ZNF761: variants seen among roughly 807,000 people sequenced by gnomAD.
ZNF761 encodes the protein zinc finger protein 761.
Under a neutral mutation model 59.9 loss-of-function variants are expected in ZNF761, and 43 were observed. The ratio of observed to expected loss-of-function variants is 0.72; its 90% confidence interval spans 0.56 to 0.92. The LOEUF (loss-of-function observed/expected upper bound fraction) is 0.92. Among genes scored for constraint, ZNF761 ranks in the 40% least tolerant of loss-of-function variants. The pLI, the probability that ZNF761 is intolerant of heterozygous loss-of-function variation, is 0.00. For synonymous variants in ZNF761, 294 were observed against 304.8 expected, an observed-to-expected ratio of 0.96 and a Z score of 0.37; for missense variants, 850 against 906.1, an observed-to-expected ratio of 0.94 and a Z score of 0.79.
At chr19:53,444,361 G>C (rs377492703) in intron 1 of ZNF761, 47 of 152,332 alleles carry the variant, frequency 3.1e-4, no homozygotes, top group African/African-American at 1.1e-3. Context: ...TATGGCTGGA[G>C]GTGAGACATG....
rs770227478 is a variant in ZNF761 at position 53,455,057 on chromosome 19, C to T, written c.550C>T (p.Pro184Ser). ...AACAGCCCAAAGAATTTCTTGTAGG[C>T]CCAAAACCCATATATCTAATAACCA... ...VSTAQRISCR[P>S]KTHISNNHGN... Residue 184 changes from proline (P) to serine (S), a missense_variant, in exon 5 of 5, where the codon CCC becomes TCC. Transcript: ENST00000684525. The T allele has an allele frequency of 6.2e-7, 1 of 1,614,102 alleles. No homozygotes were observed. The highest frequency in any genetic ancestry group is 8.5e-7 in the Non-Finnish European group (1 of 1,180,002).
intron 4 of ZNF761, among the ~76,000 whole-genome samples, chr19:53,452,543 A>T (rs890081385): frequency 2.0e-5 from 3 of 151,832 alleles, no homozygotes; most frequent in Non-Finnish European, 4.4e-5. Context: ...TGGGTGACAG[A>T]GTGTGACTCG....
intron 1 of ZNF761, chr19:53,442,196 C>A: frequency 1.8e-6 from 2 of 1,101,766 alleles, no homozygotes; most frequent in Non-Finnish European, 2.8e-6. Context: ...AAATCCAACT[C>A]AAAGAAGCTA....
At chr19:53,433,165 A>G (rs2147117022) in intron 1 of ZNF761, among the ~76,000 whole-genome samples, 1 of 152,280 alleles carries the variant, frequency 6.6e-6, no homozygotes, top group African/African-American at 2.4e-5. Flanking sequence ...TGTTTATTTA[A>G]GATACGCACC....
At chr19:53,451,566 A>T (rs1469932177) in intron 4 of ZNF761, among the ~76,000 whole-genome samples, 1 of 151,282 alleles carries the variant, frequency 6.6e-6, no homozygotes, top group Non-Finnish European at 1.5e-5. Flanking sequence ...GGTTGGAGTT[A>T]CTCTTTAGAC....
chr19:53,450,980 G>A (rs761602716), intron 4 of ZNF761, among the ~76,000 whole-genome samples: 2 of 144,162 alleles, frequency 1.4e-5, no homozygotes, highest in East Asian at 2.0e-4. Flanking sequence ...GCGATAGCAC[G>A]AGACTCTGTC....
chr19:53,455,256 T>C lies in ZNF761; in HGVS notation c.749T>C (p.Leu250Pro), dbSNP rs2086256182. The C allele has an allele frequency of 1.2e-6, 2 of 1,614,102 alleles. No homozygotes were observed. Among genetic ancestry groups the C allele is most frequent in the Non-Finnish European group, 1.7e-6 (2 of 1,180,042 alleles). The change falls in exon 5 of 5, where the codon CTC (leucine) becomes CCC (proline). Residue 250 changes from leucine to proline, a missense_variant. Leu to Pro is a moderately conservative substitution (Grantham distance 98). Coordinates refer to ENST00000684525, the MANE Select transcript of ZNF761 (RefSeq NM_001289951.2). Reference sequence around the variant, plus strand: ...TATAAATGTGATGTATGTGGCAAGCTCTTTAATCAGAAGCGAAACCTAGCA... The same window carrying C: ...TATAAATGTGATGTATGTGGCAAGCCCTTTAATCAGAAGCGAAACCTAGCA... ...DKYKCDVCGKLFNQKRNLACH... is the reference protein window; with the variant it reads ...DKYKCDVCGKPFNQKRNLACH...
intron 1 of ZNF761, among the ~76,000 whole-genome samples, chr19:53,440,725 A>T (rs1379402908): frequency 6.6e-6 from 1 of 152,120 alleles, no homozygotes; most frequent in Non-Finnish European, 1.5e-5. Context: ...ATCGCCCAGG[A>T]TGGAGTGCAG....
Position 53,455,453 on chromosome 19 carries a change from CAT to C in ZNF761, c.948_949del (p.His316GlnfsTer6), listed in dbSNP as rs2086258817. The C allele has an allele frequency of 2.5e-6, 4 of 1,613,228 alleles. No individual in the cohort carries two copies. Among genetic ancestry groups the C allele is most frequent in the African/African-American group, 1.3e-5 (1 of 74,702 alleles). On this transcript the variant is annotated frameshift_variant, in exon 5 of 5. Coordinates refer to ENST00000684525, the MANE Select transcript of ZNF761 (RefSeq NM_001289951.2). LOFTEE classifies it high-confidence loss of function. The stretch of plus-strand genomic sequence containing the variant: ...CCATTTCAAATCAATACTTGAAAGA[CAT>C]AGGATAATTCATACTGAAGAGAAAC... ...AFHFKSILER[H>X]RIIHTEEKPY...
At chr19:53,454,245 ATATAG>A (rs2086244266) in intron 4 of ZNF761, among the ~76,000 whole-genome samples, 2 of 152,262 alleles carry the variant, frequency 1.3e-5, no homozygotes, top group African/African-American at 4.8e-5. Context: ...TTATTTACCA[ATATAG>A]TATATCGTGT....
At chr19:53,433,026 G>T (rs368759047) in intron 1 of ZNF761, among the ~76,000 whole-genome samples, 1 of 146,312 alleles carries the variant, frequency 6.8e-6, no homozygotes, top group East Asian at 2.0e-4. Flanking sequence ...GGGATCTGGG[G>T]TGCTAGAGAG....
intron 1 of ZNF761, among the ~76,000 whole-genome samples, chr19:53,437,284 C>T (rs2147122665): frequency 6.6e-6 from 1 of 151,444 alleles, no homozygotes; most frequent in South Asian, 2.1e-4. Flanking sequence ...CACCACTGCA[C>T]TCCAACCTGG....
chr19:53,452,237 CT>C (rs954412251), intron 4 of ZNF761, among the ~76,000 whole-genome samples: 1 of 152,112 alleles, frequency 6.6e-6, no homozygotes, highest in African/African-American at 2.4e-5. Context: ...AATCCCAGCA[CT>C]TTGGGAGGCT....
At chr19:53,446,979 G>A (rs1286750714) in intron 2 of ZNF761, among the ~76,000 whole-genome samples, 2 of 152,114 alleles carry the variant, frequency 1.3e-5, no homozygotes, top group Non-Finnish European at 1.5e-5. Context: ...TCAGGAAGGG[G>A]AGCCCATTCC....
intron 4 of ZNF761, among the ~76,000 whole-genome samples, chr19:53,451,407 C>G (rs970987052): frequency 6.6e-6 from 1 of 152,038 alleles, no homozygotes; most frequent in Non-Finnish European, 1.5e-5. Context: ...CAGGCTTTCT[C>G]CTTTTTGGTT....
chr19:53,453,282 C>T lies in ZNF761; in HGVS notation c.143-1368C>T, dbSNP rs6509776. Among the ~76,000 whole-genome samples the T allele has an allele frequency of 1.3e-4, 20 of 152,178 alleles. No individual in the cohort carries two copies. The East Asian group carries it at 1.5e-3, about 12-fold the overall frequency. On this transcript the variant is annotated intron_variant, in intron 4 of 4. Coordinates refer to ENST00000684525, the MANE Select transcript of ZNF761 (RefSeq NM_001289951.2). ...CTCCCAAAGTGCTGGTATTACAGAC[C>T]GTGCCCGGCTGTTAGTCAATTCTTA...
chr19:53,442,983 G>A (rs1472416762), intron 1 of ZNF761: 6 of 279,990 alleles, frequency 2.1e-5, no homozygotes, highest in Non-Finnish European at 4.2e-5. Flanking sequence ...TTATTTACCT[G>A]TTGACCCCAG....
chr19:53,456,584 A>G lies in ZNF761; in HGVS notation c.2077A>G (p.Asn693Asp). ...LHTGEKPYKCNECGKNFSQKS... is the reference protein window; with the variant it reads ...LHTGEKPYKCDECGKNFSQKS... ...TACTGGAGAGAAACCTTATAAGTGT[A>G]ATGAGTGTGGCAAGAACTTTAGTCA... Residue 693 changes from asparagine (N) to aspartate (D), a missense_variant, in exon 5 of 5, where the codon AAT becomes GAT. By Grantham distance (23) the Asn-to-Asp change is conservative. Coordinates refer to ENST00000684525, the MANE Select transcript of ZNF761 (RefSeq NM_001289951.2). 2 of 1,612,888 alleles carry G rather than the reference A, an allele frequency of 1.2e-6. No individual in the cohort carries two copies. The highest frequency in any genetic ancestry group is 1.7e-6 in the Non-Finnish European group (2 of 1,179,262).
intron 2 of ZNF761, 51 bp from the exon 3 acceptor site, chr19:53,447,145 G>A (rs1391256903): frequency 7.1e-6 from 9 of 1,266,406 alleles, no homozygotes; most frequent in South Asian, 1.4e-5. Flanking sequence ...TGTGTTCCAC[G>A]GAGGTGGCGT....
Sources: allele counts gnomAD v4.1 joint callset (sites outside exome capture counted in the v4.1 genomes callset), GRCh38; gene constraint gnomAD v4.1.1; transcripts MANE v1.5; gene names NCBI Gene and HGNC (gene_info 2026-07-23, HGNC 2026-07-21).